Variants in ENPP1 observed in about 807,000 individuals in gnomAD.
ENPP1 encodes the protein ectonucleotide pyrophosphatase/phosphodiesterase 1.
Under a neutral mutation model 122.8 loss-of-function variants are expected in ENPP1, and 73 were observed. The observed-to-expected ratio is 0.59, with a 90% confidence interval of 0.49 to 0.72. The LOEUF is 0.72. ENPP1 is among the 30% of genes least tolerant of loss of function. The pLI is 0.00. For missense variants in ENPP1, 978 were observed against 1,128.1 expected (o/e 0.87, Z 1.91); for synonymous variants, 367 against 391.6 (o/e 0.94, Z 0.74).
chr6:131,820,407 C>G (rs1004856540), intron 1 of ENPP1: 2 of 157,366 alleles, frequency 1.3e-5, no homozygotes, highest in African/African-American at 2.4e-5. Context: ...ATCTGGCTGG[C>G]TAGGCGGGTG....
intron 5 of ENPP1, 103 bp downstream of exon 5, chr6:131,852,338 A>C (rs1167888261): frequency 1.3e-6 from 1 of 754,042 alleles, no homozygotes; most frequent in African/African-American, 1.8e-5. Context: ...TCACTGGTTT[A>C]TTAAACATTA....
At chr6:131,823,366 G>A (rs1562510591) in intron 1 of ENPP1, among the ~76,000 whole-genome samples, 2 of 152,050 alleles carry the variant, frequency 1.3e-5, no homozygotes, top group Admixed American at 6.6e-5. Context: ...GCAATATTAT[G>A]TGCATACTTT....
At chr6:131,810,329 G>C (rs1486583038) in intron 1 of ENPP1, among the ~76,000 whole-genome samples, 1 of 152,172 alleles carries the variant, frequency 6.6e-6, no homozygotes, top group African/African-American at 2.4e-5. Flanking sequence ...CTGCACTTCA[G>C]CTTGGGTGAC....
Position 131,808,209 on chromosome 6 carries a change from G to T in ENPP1, c.174G>T (p.Glu58Asp). 2.6e-6 allele frequency: 4 copies of T among 1,512,010 alleles called. No individual in the cohort carries two copies. The highest frequency in any genetic ancestry group is 3.5e-6 in the Non-Finnish European group (4 of 1,130,200). 93.7% of individuals were successfully genotyped at this position (1,512,010 alleles called of 1,614,324 possible). ...TGGCCCCTATGGACGTGGGGGAGGAGCCGCTGGAGAAGGCGGCGCGCGCCC... is the reference window on the plus strand; with the variant it reads ...TGGCCCCTATGGACGTGGGGGAGGATCCGCTGGAGAAGGCGGCGCGCGCCC... Reference protein sequence around the residue: ...SLLAPMDVGEEPLEKAARART... With the variant: ...SLLAPMDVGEDPLEKAARART... The change falls in exon 1 of 25, where the codon GAG becomes GAT. Residue 58 changes from glutamate to aspartate, a missense_variant. Coordinates refer to ENST00000647893, the MANE Select transcript of ENPP1 (RefSeq NM_006208.3).
intron 14 of ENPP1, 137 bp downstream of exon 14, chr6:131,872,238 G>GTA: frequency 1.5e-6 from 1 of 668,676 alleles, no homozygotes; most frequent in South Asian, 1.9e-5. Flanking sequence ...GAAATGCTGT[G>GTA]TAGTTTAAAG....
chr6:131,818,751 G>A (rs1025909117), intron 1 of ENPP1, among the ~76,000 whole-genome samples: 2 of 152,152 alleles, frequency 1.3e-5, no homozygotes, highest in Non-Finnish European at 2.9e-5. Context: ...TATGCATGTA[G>A]CATATCTGCT....
At chr6:131,887,781 G>T (rs1406992562) in intron 24 of ENPP1, among the ~76,000 whole-genome samples, 2 of 146,258 alleles carry the variant, frequency 1.4e-5, no homozygotes, top group African/African-American at 5.1e-5. Context: ...TAGCCAGGAT[G>T]GTCTCAATCT....
chr6:131,809,962 G>A (rs973086569), intron 1 of ENPP1, among the ~76,000 whole-genome samples: 7 of 152,142 alleles, frequency 4.6e-5, no homozygotes, highest in African/African-American at 1.4e-4. Flanking sequence ...GACTATTATG[G>A]ACCTTTTTTA....
At chr6:131,873,680 A>G (rs557919632) in intron 15 of ENPP1, among the ~76,000 whole-genome samples, 4 of 151,526 alleles carry the variant, frequency 2.6e-5, no homozygotes, top group African/African-American at 9.7e-5. Flanking sequence ...TTGTTCATTA[A>G]CTGTTTTGGT....
rs1782265091 is a variant in ENPP1 at position 131,878,593 on chromosome 6, G to A, written c.1945G>A (p.Glu649Lys). Residue 649 changes from glutamate to lysine, a missense_variant and splice_region_variant, in exon 19 of 25, where the codon GAG becomes AAG. By Grantham distance (56) the Glu-to-Lys change is moderately conservative. Around this residue, in one of 3 missense-constraint regions of ENPP1, gnomAD observed 644 missense variants for 781.5 expected, o/e 0.82. Coordinates refer to ENST00000647893, the MANE Select transcript of ENPP1 (RefSeq NM_006208.3). Reference sequence around the variant, plus strand: ...ACAGTTCAATCTGACTGTGGCAGAAGGTAAGGCATGCTACACACTCAAGCT... The same window carrying A: ...ACAGTTCAATCTGACTGTGGCAGAAAGTAAGGCATGCTACACACTCAAGCT... Reference protein sequence around the residue: ...QTQFNLTVAEEKIIKHETLPY... With the variant: ...QTQFNLTVAEKKIIKHETLPY... The A allele has an allele frequency of 6.2e-7, 1 of 1,610,218 alleles. No homozygotes were observed. The highest frequency in any genetic ancestry group is 1.7e-5 in the Admixed American group (1 of 59,986).
In ENPP1 at chr6:131,869,444, G is replaced by A. The variant is rs754061888; in HGVS notation, c.1360G>A (p.Ala454Thr). 4 of 1,613,222 alleles carry A rather than the reference G, an allele frequency of 2.5e-6. No individual in the cohort carries two copies. Among genetic ancestry groups the A allele is most frequent in the Non-Finnish European group, 2.5e-6 (3 of 1,179,302 alleles). ...AAATATTAAAGTTATCTATGGACCTGCAGCTCGATTGAGACCCTCTGATGT... is the reference window on the plus strand; with the variant it reads ...AAATATTAAAGTTATCTATGGACCTACAGCTCGATTGAGACCCTCTGATGT... Reference protein sequence around the residue: ...VKNIKVIYGPAARLRPSDVPD... With the variant: ...VKNIKVIYGPTARLRPSDVPD... The change falls in exon 13 of 25, where the codon GCA becomes ACA. Residue 454 changes from alanine (A) to threonine (T), a missense_variant. This residue lies in a region of ENPP1 where 644 missense variants were observed against 781.5 expected (regional missense o/e 0.82). Coordinates refer to ENST00000647893, the MANE Select transcript of ENPP1 (RefSeq NM_006208.3).
chr6:131,888,159 G>T (rs78267635), intron 24 of ENPP1, among the ~76,000 whole-genome samples: 2 of 151,576 alleles, frequency 1.3e-5, no homozygotes, highest in African/African-American at 2.4e-5. Context: ...ACTGTGCCCG[G>T]CCCATTTTAG....
intron 1 of ENPP1, chr6:131,828,252 G>T: frequency 1.8e-6 from 1 of 550,644 alleles, no homozygotes. Flanking sequence ...TTTGTAAGAA[G>T]ACAGCACAGA....
chr6:131,820,853 A>C (rs1439282560), intron 1 of ENPP1, among the ~76,000 whole-genome samples: 1 of 152,208 alleles, frequency 6.6e-6, no homozygotes, highest in African/African-American at 2.4e-5. Flanking sequence ...TGCTACGGTT[A>C]CTAGCTGTTT....
chr6:131,814,289 G>A (rs1021651803), intron 1 of ENPP1, among the ~76,000 whole-genome samples: 10 of 152,214 alleles, frequency 6.6e-5, no homozygotes, highest in Non-Finnish European at 1.2e-4. Flanking sequence ...TCCACAACAT[G>A]TGGTAGGACT....
At position 131,880,803 on chromosome 6, in the gene ENPP1, C is replaced by A. The variant is rs372981374; in HGVS notation, c.2100+769C>A. On this transcript the variant is annotated intron_variant, in intron 20 of 24. Transcript: ENST00000647893. ...AGCTCAGTAACATCATTGCACGTAC[C>A]ATCTATAGGAAGACACGAGCCCAAA... Among the ~76,000 whole-genome samples the A allele has an allele frequency of 2.5e-4, 38 of 152,144 alleles. 1 individual carries two copies. The highest frequency in any genetic ancestry group is 8.9e-4 in the African/African-American group (37 of 41,510).
At position 131,891,618 on chromosome 6, in the gene ENPP1, T is replaced by A. The variant is rs953818737; in HGVS notation, c.*1107T>A. 2.0e-5 allele frequency: 3 copies of A among 152,242 alleles called. No homozygotes were observed. Among genetic ancestry groups the A allele is most frequent in the Admixed American group, 1.3e-4 (2 of 15,282 alleles). 9.4% of individuals were successfully genotyped at this position (152,242 alleles called of 1,614,324 possible). On this transcript the variant is annotated 3_prime_UTR_variant, in exon 25 of 25. Transcript: ENST00000647893. ...AGGCTACATAGGTCCAATTGAGGTA[T>A]AATATCAGTACACCAAAGATTTTTA...
chr6:131,883,618 C>A, intron 21 of ENPP1, 76 bp from the exon 22 acceptor site: 2 of 800,266 alleles, frequency 2.5e-6, no homozygotes, highest in East Asian at 2.5e-5. Flanking sequence ...TAAAAATGCT[C>A]CCCTAACCAT....
chr6:131,809,014 G>A (rs1331390908), intron 1 of ENPP1, among the ~76,000 whole-genome samples: 2 of 152,210 alleles, frequency 1.3e-5, no homozygotes, highest in African/African-American at 4.8e-5. Context: ...TGCTGATTGA[G>A]AGAAGGCCTG....
Sources: allele counts gnomAD v4.1 joint callset (sites outside exome capture counted in the v4.1 genomes callset), GRCh38; gene constraint gnomAD v4.1.1; regional missense constraint gnomAD v4.1.1; transcripts MANE v1.5; gene names NCBI Gene and HGNC (gene_info 2026-07-23, HGNC 2026-07-21).